KNTC1: variants seen among roughly 807,000 people sequenced by gnomAD.
KNTC1 encodes the protein kinetochore-associated protein 1.
In KNTC1, 253 loss-of-function variants were observed where a neutral mutation model predicts 314.4. That is an observed-to-expected ratio of 0.80 (90% CI 0.73 to 0.89). The LOEUF (loss-of-function observed/expected upper bound fraction) is 0.89. Ranked by LOEUF, KNTC1 falls within the 40% of genes least tolerant of loss-of-function variation. The pLI is 0.00. For synonymous variants in KNTC1, 901 were observed against 901.4 expected (o/e 1.00, Z 0.01); for missense variants, 2,475 against 2,572.9 (o/e 0.96, Z 0.82).
chr12:122,566,499 T>G (rs113120163), intron 20 of KNTC1, among the ~76,000 whole-genome samples: 3,632 of 151,610 alleles, frequency 0.024, 130 homozygotes, highest in African/African-American at 0.08. Flanking sequence ...AACTTCCGCC[T>G]CCTATATTCA....
At position 122,609,549 on chromosome 12, in the gene KNTC1, T is replaced by G. The variant is rs1012514432; in HGVS notation, c.5543+119T>G. On this transcript the variant is annotated intron_variant, in intron 52 of 63. Coordinates refer to ENST00000333479, the MANE Select transcript of KNTC1 (RefSeq NM_014708.6). ...TTTCTTGATAAAACTCAGGTCAGAGTCTATGAGATGAATCAGTTCACTAAT... is the reference window on the plus strand; with the variant it reads ...TTTCTTGATAAAACTCAGGTCAGAGGCTATGAGATGAATCAGTTCACTAAT... The G allele has an allele frequency of 3.2e-4, 209 of 646,070 alleles. 2 individuals carry two copies. The highest frequency in any genetic ancestry group is 1.9e-4 in the Admixed American group (6 of 31,022). The allele number at this position is 646,070 out of a possible 1,614,324, so 40.0% of individuals were successfully genotyped here.
At chr12:122,549,512 T>C (rs1963041611) in intron 12 of KNTC1, among the ~76,000 whole-genome samples, 1 of 151,974 alleles carries the variant, frequency 6.6e-6, no homozygotes, top group African/African-American at 2.4e-5. Flanking sequence ...TGATTACAGA[T>C]GCACACCGCC....
chr12:122,543,886 T>TA (rs1031579810), intron 7 of KNTC1, among the ~76,000 whole-genome samples: 1 of 151,944 alleles, frequency 6.6e-6, no homozygotes, highest in Non-Finnish European at 1.5e-5. Flanking sequence ...CCATCTCTAC[T>TA]AAAAAATACA....
At chr12:122,540,175 G>GT (rs560388242) in intron 5 of KNTC1, among the ~76,000 whole-genome samples, 16,413 of 138,130 alleles carry the variant, frequency 0.12, 2,757 homozygotes, top group African/African-American at 0.38. Flanking sequence ...CATTTTTTCT[G>GT]TTTTTTTTTT....
intron 43 of KNTC1, among the ~76,000 whole-genome samples, chr12:122,597,060 G>C (rs981701150): frequency 2.6e-5 from 4 of 151,790 alleles, no homozygotes; most frequent in Non-Finnish European, 5.9e-5. Context: ...ACTGTTTTCA[G>C]CTTTTAATCA....
chr12:122,570,998 T>C, intron 23 of KNTC1, 27 bp from the exon 24 acceptor site: 1 of 1,606,804 alleles, frequency 6.2e-7, no homozygotes, highest in Non-Finnish European at 8.5e-7. Flanking sequence ...AAACATTGTT[T>C]TGAACTGTCT....
chr12:122,562,284 A>C (rs1964023870), intron 19 of KNTC1, among the ~76,000 whole-genome samples: 1 of 152,164 alleles, frequency 6.6e-6, no homozygotes, highest in Non-Finnish European at 1.5e-5. Context: ...TAAATATTCA[A>C]ATTCTTAGTT....
intron 20 of KNTC1, chr12:122,563,855 C>G: frequency 7.2e-7 from 1 of 1,388,716 alleles, no homozygotes. Flanking sequence ...AGTCTTCACT[C>G]TATAAACAGG....
At chr12:122,533,154 T>C (rs749031675) in intron 2 of KNTC1, among the ~76,000 whole-genome samples, 1 of 151,920 alleles carries the variant, frequency 6.6e-6, no homozygotes, top group Non-Finnish European at 1.5e-5. Context: ...CTAGAAGATA[T>C]AGTGCCGTTC....
chr12:122,565,509 A>G (rs899208932), intron 20 of KNTC1, among the ~76,000 whole-genome samples: 7 of 135,676 alleles, frequency 5.2e-5, no homozygotes, highest in Admixed American at 4.7e-4. Flanking sequence ...TGATTTTGTT[A>G]TTATTATTTT....
At chr12:122,613,318 C>A in intron 54 of KNTC1, 88 bp downstream of exon 54, 1 of 883,072 alleles carries the variant, frequency 1.1e-6, no homozygotes, top group Non-Finnish European at 1.8e-6. Flanking sequence ...TTCAGAAGAG[C>A]ATAGTAGAGT....
Position 122,585,838 on chromosome 12 carries a change from G to A in KNTC1, c.3673+64G>A. On this transcript the variant is annotated intron_variant, in intron 37 of 63. Transcript: ENST00000333479. ...GTCTTATGTAAATTTAAACTGTAGAGGTTTGGAGCTAGAACTACACACAGT... is the reference window on the plus strand; with the variant it reads ...GTCTTATGTAAATTTAAACTGTAGAAGTTTGGAGCTAGAACTACACACAGT... 5 of 1,517,662 alleles carry A rather than the reference G, an allele frequency of 3.3e-6. No individual in the cohort carries two copies. In the South Asian group the frequency reaches 5.6e-5, roughly 17 times the overall value. 94.0% of individuals were successfully genotyped at this position (1,517,662 alleles called of 1,614,324 possible). A position where few individuals can be genotyped will look rare whatever the true frequency, so the allele number is the denominator to read the frequency against.
rs374685449 is a variant in KNTC1, at chr12:122,597,792, A to C, written c.4417A>C (p.Thr1473Pro). Residue 1473 changes from threonine to proline, a missense_variant, in exon 44 of 64, where the codon ACA (threonine) becomes CCA (proline). Thr to Pro is a conservative substitution (Grantham distance 38). Coordinates refer to ENST00000333479, the MANE Select transcript of KNTC1 (RefSeq NM_014708.6). ...QLFIETLLHN[T>P]NAGQGQGDAS... ...CTTCATTGAAACGCTGCTCCACAAC[A>C]CAAATGCCGGCCAAGGCCAGGGAGA... 3 of 1,614,034 alleles carry C rather than the reference A, an allele frequency of 1.9e-6. No homozygotes were observed. Among genetic ancestry groups the C allele is most frequent in the Non-Finnish European group, 1.7e-6 (2 of 1,179,886 alleles).
chr12:122,574,403 C>T (rs555602227), intron 27 of KNTC1, 23 bp downstream of exon 27: 16 of 1,358,134 alleles, frequency 1.2e-5, no homozygotes, highest in Middle Eastern at 1.8e-4. Context: ...TGACCATTTG[C>T]GTTTCCCTTT....
At chr12:122,586,148 TCTC>T (rs1301978934) in intron 37 of KNTC1, among the ~76,000 whole-genome samples, 1 of 152,220 alleles carries the variant, frequency 6.6e-6, no homozygotes, top group African/African-American at 2.4e-5. Flanking sequence ...AGTGGCATGA[TCTC>T]AGCTCACTGC....
intron 38 of KNTC1, 98 bp from the exon 39 acceptor site, chr12:122,587,613 G>A: frequency 1.1e-6 from 1 of 914,466 alleles, no homozygotes; most frequent in Non-Finnish European, 1.6e-6. Context: ...ACTATTATCT[G>A]TATTGAAGAA....
At chr12:122,560,455 G>A (rs575709327) in intron 18 of KNTC1, among the ~76,000 whole-genome samples, 1 of 152,142 alleles carries the variant, frequency 6.6e-6, no homozygotes, top group East Asian at 1.9e-4. Flanking sequence ...TGCAACCTCT[G>A]CCCACCCCCC....
At chr12:122,560,503 G>T (rs1319372768) in intron 18 of KNTC1, among the ~76,000 whole-genome samples, 4 of 152,092 alleles carry the variant, frequency 2.6e-5, no homozygotes, top group African/African-American at 9.7e-5. Context: ...CTCCCAAGTA[G>T]CTGGGATTAC....
chr12:122,554,240 A>G lies in KNTC1; in HGVS notation c.1272+2544A>G, dbSNP rs528523830. Among the ~76,000 whole-genome samples the G allele has an allele frequency of 4.6e-5, 7 of 150,602 alleles. No homozygotes were observed. The East Asian group carries it at 1.4e-3, about 29-fold the overall frequency. On this transcript the variant is annotated intron_variant, in intron 16 of 63. Coordinates refer to ENST00000333479, the MANE Select transcript of KNTC1 (RefSeq NM_014708.6). The stretch of plus-strand genomic sequence containing the variant: ...GCCACCATGCCTGGCCGAAAAATAT[A>G]TATTTATTTTTATATATATTTTGTA...
Sources: gnomAD v4.1 joint callset for allele counts (sites outside exome capture counted in the v4.1 genomes callset) on GRCh38, gnomAD v4.1.1 for gene constraint, MANE v1.5 for transcripts, NCBI Gene and HGNC (gene_info 2026-07-23, HGNC 2026-07-21) for gene names.